Variants in PSAT1 observed in about 807,000 individuals in gnomAD.
PSAT1 encodes phosphoserine aminotransferase 1.
A neutral mutation model predicts 40.3 loss-of-function variants in PSAT1; 41 were observed. That is an observed-to-expected ratio of 1.02 (90% CI 0.79 to 1.32). The LOEUF is 1.32. PSAT1 is among the 40% of genes most tolerant of loss of function. The pLI is 0.00. For missense variants in PSAT1, 406 were observed against 455.8 expected, an observed-to-expected ratio of 0.89 and a Z score of 0.99; for synonymous variants, 147 against 170.5, an observed-to-expected ratio of 0.86 and a Z score of 1.07.
intron 7 of PSAT1, among the ~76,000 whole-genome samples, chr9:78,319,195 ATT>A (rs1262527722): frequency 3.3e-5 from 5 of 152,124 alleles, no homozygotes; most frequent in African/African-American, 1.2e-4. Flanking sequence ...CTAACTTAGG[ATT>A]GTACTTTTTA....
intron 5 of PSAT1, 110 bp from the exon 6 acceptor site, chr9:78,308,304 T>C: frequency 8.0e-7 from 1 of 1,244,724 alleles, no homozygotes. Context: ...CTACACAGGA[T>C]AGAGTCATTT....
intron 4 of PSAT1, among the ~76,000 whole-genome samples, chr9:78,305,759 G>A (rs550870890): frequency 8.5e-5 from 13 of 152,316 alleles, no homozygotes; most frequent in Admixed American, 3.9e-4. Flanking sequence ...CTGGAACTAC[G>A]TGGGCTGAGA....
chr9:78,307,932 G>A (rs555790205), intron 5 of PSAT1, among the ~76,000 whole-genome samples: 19 of 152,160 alleles, frequency 1.2e-4, no homozygotes, highest in African/African-American at 3.4e-4. Context: ...CCAGCTACTC[G>A]GCAGGCTGAG....
rs1211294761 is a variant in PSAT1, at chr9:78,297,186, G to T, written c.-25G>T. 6 of 1,591,874 alleles carry T rather than the reference G, an allele frequency of 3.8e-6. No homozygotes were observed. Among genetic ancestry groups the T allele is most frequent in the Non-Finnish European group, 4.3e-6 (5 of 1,173,592 alleles). On this transcript the variant is annotated 5_prime_UTR_variant, in exon 1 of 9. Coordinates refer to ENST00000376588, the MANE Select transcript of PSAT1 (RefSeq NM_058179.4). Reference sequence around the variant, plus strand: ...TTCACGCGTTCGGTCCTCCTTGGCTGACTCACCGCCCTGGCCGCCGCACCA... The same window carrying T: ...TTCACGCGTTCGGTCCTCCTTGGCTTACTCACCGCCCTGGCCGCCGCACCA...
chr9:78,298,465 T>C (rs1828059623), intron 1 of PSAT1: 2 of 980,616 alleles, frequency 2.0e-6, no homozygotes, highest in Admixed American at 6.2e-5. Context: ...GCGCTCACAG[T>C]AGCTGAGAGG....
At chr9:78,298,198 C>T in intron 1 of PSAT1, 1 of 806,136 alleles carries the variant, frequency 1.2e-6, no homozygotes, top group Non-Finnish European at 1.5e-6. Context: ...CAGCCCCACC[C>T]GCAGTGAAGA....
chr9:78,325,237 C>G (rs1013984750), intron 7 of PSAT1, among the ~76,000 whole-genome samples: 4 of 152,158 alleles, frequency 2.6e-5, no homozygotes. Context: ...ATATTAGATA[C>G]TGGAACCGTA....
At chr9:78,328,839 AGGTGTCG>A in intron 8 of PSAT1, 135 bp from the exon 9 acceptor site, 2 of 708,210 alleles carry the variant, frequency 2.8e-6, no homozygotes, top group South Asian at 3.0e-5. Context: ...GCTCTGTGCC[AGGTGTCG>A]GGAGTTTTTA....
At position 78,314,968 on chromosome 9, in the gene PSAT1, T is replaced by C. The variant is rs543473248; in HGVS notation, c.741-2708T>C. On this transcript the variant is annotated intron_variant, in intron 6 of 8. Transcript: ENST00000376588. ...TTGGATTCAATCACATGGCAGGGTG[T>C]GTTTCTGTGGTTCTGTGTGGAGGTG... Among the ~76,000 whole-genome samples the C allele has an allele frequency of 2.0e-5, 3 of 152,014 alleles. No homozygotes were observed. In the South Asian group the frequency reaches 6.2e-4, roughly 32 times the overall value.
At chr9:78,301,030 G>A (rs1320242344) in intron 2 of PSAT1, among the ~76,000 whole-genome samples, 2 of 152,138 alleles carry the variant, frequency 1.3e-5, no homozygotes, top group African/African-American at 4.8e-5. Context: ...GAGCCACTGA[G>A]CCCTGGCCCA....
Position 78,297,243 on chromosome 9 carries a change from G to A in PSAT1, c.33G>A (p.Gly11=). MDAPRQVVNF[G]PGPAKLPHSV... is the part of the protein sequence containing the mutation. Reference sequence around the variant, plus strand: ...CCCCCAGGCAGGTGGTCAACTTTGGGCCTGGTCCCGCCAAGCTGCCGCACT... The same window carrying A: ...CCCCCAGGCAGGTGGTCAACTTTGGACCTGGTCCCGCCAAGCTGCCGCACT... Residue 11 remains glycine (G), a synonymous_variant, in exon 1 of 9, where the codon GGG becomes GGA. Coordinates refer to ENST00000376588, the MANE Select transcript of PSAT1 (RefSeq NM_058179.4). The A allele has an allele frequency of 1.2e-6, 2 of 1,601,726 alleles. No homozygotes were observed. The highest frequency in any genetic ancestry group is 1.7e-6 in the Non-Finnish European group (2 of 1,178,430).
chr9:78,300,117 C>T (rs890119856), intron 1 of PSAT1, among the ~76,000 whole-genome samples: 1 of 152,196 alleles, frequency 6.6e-6, no homozygotes, highest in African/African-American at 2.4e-5. Context: ...AGTCTTGTTG[C>T]AGCACCCTGG....
intron 5 of PSAT1, 118 bp downstream of exon 5, chr9:78,306,604 C>A: frequency 7.8e-7 from 1 of 1,286,936 alleles, no homozygotes; most frequent in Non-Finnish European, 1.1e-6. Flanking sequence ...ACCCCTGAGC[C>A]AGTGCAGCTG....
chr9:78,307,229 A>T (rs1228340025), intron 5 of PSAT1, among the ~76,000 whole-genome samples: 1 of 152,118 alleles, frequency 6.6e-6, no homozygotes, highest in African/African-American at 2.4e-5. Flanking sequence ...GGCAGCCTCC[A>T]TTCTAGTTTC....
chr9:78,326,955 A>ATATATATATTTTTTT, intron 7 of PSAT1, among the ~76,000 whole-genome samples: 5 of 75,934 alleles, frequency 6.6e-5, no homozygotes, highest in African/African-American at 3.8e-4. Context: ...ATATATATAT[A>ATATATATATTTTTTT]TTTTTTTTTT....
At chr9:78,303,994 G>A (rs377313345) in intron 3 of PSAT1, among the ~76,000 whole-genome samples, 9 of 151,970 alleles carry the variant, frequency 5.9e-5, no homozygotes, top group East Asian at 3.8e-4. Flanking sequence ...TTTTTATTTT[G>A]ATGTATAATA....
chr9:78,313,011 C>G (rs770434514), intron 6 of PSAT1, among the ~76,000 whole-genome samples: 28 of 152,268 alleles, frequency 1.8e-4, no homozygotes, highest in Non-Finnish European at 3.7e-4. Context: ...TTTCTGGTGT[C>G]CTTTTCTAAG....
At position 78,310,484 on chromosome 9, in the gene PSAT1, C is replaced by T. The variant is rs567074758; in HGVS notation, c.740+1901C>T. On this transcript the variant is annotated intron_variant, in intron 6 of 8. Transcript: ENST00000376588. ...CTTGGTGGAAGTTCTCTTAAAGGAGCGTAGGAAAGAGGGGGCTCAGGCTGG... is the reference window on the plus strand; with the variant it reads ...CTTGGTGGAAGTTCTCTTAAAGGAGTGTAGGAAAGAGGGGGCTCAGGCTGG... 3.3e-5 allele frequency among the ~76,000 whole-genome samples: 5 copies of T among 152,124 alleles called. No individual in the cohort carries two copies. In the East Asian group the frequency reaches 9.6e-4, roughly 29 times the overall value.
chr9:78,328,914 GA>G, intron 8 of PSAT1, 66 bp from the exon 9 acceptor site: 1 of 1,298,202 alleles, frequency 7.7e-7, no homozygotes, highest in Non-Finnish European at 1.1e-6. Flanking sequence ...CCAGTGGCTA[GA>G]AAAAGGTGTT....
Sources: gnomAD v4.1 joint callset for allele counts (sites outside exome capture counted in the v4.1 genomes callset) on GRCh38, gnomAD v4.1.1 for gene constraint, MANE v1.5 for transcripts, NCBI Gene and HGNC (gene_info 2026-07-23, HGNC 2026-07-21) for gene names.